Variants in SDF2 observed in about 807,000 individuals in gnomAD.
SDF2 encodes the protein stromal cell derived factor 2.
A neutral mutation model predicts 20.5 loss-of-function variants in SDF2; 12 were observed. The observed-to-expected ratio is 0.58, with a 90% confidence interval of 0.37 to 0.95. The LOEUF (loss-of-function observed/expected upper bound fraction) is 0.95, where lower values mean the gene tolerates loss of function less well. Among genes scored for constraint, SDF2 ranks in the 40% least tolerant of loss-of-function variants. SDF2 has a pLI of 0.01. For missense variants in SDF2, 238 were observed against 263.1 expected (o/e 0.90, Z 0.66); for synonymous variants, 100 against 101.0 (o/e 0.99, Z 0.06).
At chr17:28,654,633 T>C (rs1216550544) in intron 2 of SDF2, among the ~76,000 whole-genome samples, 2 of 151,572 alleles carry the variant, frequency 1.3e-5, no homozygotes, top group Non-Finnish European at 1.5e-5. Flanking sequence ...CTGACCAATA[T>C]GGTGAAAACC....
intron 1 of SDF2, 40 bp downstream of exon 1, chr17:28,661,686 A>C (rs757300763): frequency 1.2e-5 from 19 of 1,594,470 alleles, no homozygotes; most frequent in African/African-American, 2.7e-5. Context: ...AGAGCCTCCG[A>C]GTCCTCCCTA....
In SDF2 at chr17:28,655,403, T is replaced by C; in HGVS notation, c.232A>G (p.Thr78Ala). ...SYWRIRGKSA[T>A]VCERGTPIKC... ...ATGGGGGTTCCCCTCTCACACACTGTGGCACTCTTCCCCCGTATCCTCCAG... is the reference window on the plus strand; with the variant it reads ...ATGGGGGTTCCCCTCTCACACACTGCGGCACTCTTCCCCCGTATCCTCCAG... Residue 78 changes from threonine to alanine, a missense_variant, in exon 2 of 3, where the codon ACA becomes GCA. Coordinates refer to ENST00000247020, the MANE Select transcript of SDF2 (RefSeq NM_006923.4). The C allele has an allele frequency of 1.9e-6, 3 of 1,614,218 alleles. No individual in the cohort carries two copies. Among genetic ancestry groups the C allele is most frequent in the Non-Finnish European group, 1.7e-6 (2 of 1,180,034 alleles).
intron 1 of SDF2, among the ~76,000 whole-genome samples, chr17:28,659,646 G>A (rs1340574456): frequency 3.4e-5 from 5 of 147,616 alleles, no homozygotes; most frequent in East Asian, 2.0e-4. Context: ...TAGACAGGGC[G>A]GCCAGGCAGA....
chr17:28,650,002 G>A (rs1164959410), intron 2 of SDF2, among the ~76,000 whole-genome samples: 6 of 151,736 alleles, frequency 4.0e-5, no homozygotes, highest in African/African-American at 1.2e-4. Flanking sequence ...GCCCAGGCTG[G>A]AGTGCAATGG....
At chr17:28,651,267 T>G (rs2071912832) in intron 2 of SDF2, among the ~76,000 whole-genome samples, 1 of 152,236 alleles carries the variant, frequency 6.6e-6, no homozygotes, top group Non-Finnish European at 1.5e-5. Context: ...TTTCACCATG[T>G]TGACCAGGCT....
chr17:28,657,157 G>T (rs1567677583), intron 1 of SDF2, among the ~76,000 whole-genome samples: 1 of 151,918 alleles, frequency 6.6e-6, no homozygotes. Context: ...CATCCGGGAG[G>T]CGGAGGTTGC....
rs35579310 is a variant in SDF2, at chr17:28,655,323, A to G, written c.312T>C (p.His104=). The G allele has an allele frequency of 1.9e-3, 3,057 of 1,614,240 alleles. 48 individuals carry two copies. The African/African-American group carries it at 0.036, about 19-fold the overall frequency. ...LTHVNTGRNL[H]SHHFTSPLSG... is the part of the protein sequence containing the mutation. The stretch of plus-strand genomic sequence containing the variant: ...AAAGAGGTGAAGTGAAGTGGTGACT[A>G]TGGAGGTTTCGGCCAGTGTTGACAT... The change falls in exon 2 of 3, where the codon CAT becomes CAC. Residue 104 remains histidine (H), a synonymous_variant. Coordinates refer to ENST00000247020, the MANE Select transcript of SDF2 (RefSeq NM_006923.4).
intron 2 of SDF2, among the ~76,000 whole-genome samples, chr17:28,650,400 G>A (rs954745492): frequency 6.6e-6 from 1 of 152,010 alleles, no homozygotes; most frequent in Non-Finnish European, 1.5e-5. Context: ...AAAGATTATG[G>A]TCCAAACACT....
chr17:28,649,330 G>A, intron 2 of SDF2, 54 bp from the exon 3 acceptor site: 1 of 1,558,336 alleles, frequency 6.4e-7, no homozygotes, highest in Non-Finnish European at 8.8e-7. Context: ...GCTTGAAAAG[G>A]GGTGGGAGGC....
At chr17:28,658,093 C>T (rs2071982050) in intron 1 of SDF2, among the ~76,000 whole-genome samples, 1 of 152,198 alleles carries the variant, frequency 6.6e-6, no homozygotes, top group African/African-American at 2.4e-5. Flanking sequence ...TGCCTTACAG[C>T]TCTCTGGGTC....
intron 2 of SDF2, among the ~76,000 whole-genome samples, chr17:28,652,281 G>A (rs551329894): frequency 5.3e-5 from 8 of 151,920 alleles, no homozygotes; most frequent in African/African-American, 9.7e-5. Flanking sequence ...ATATATACAC[G>A]AGTAAGCACA....
chr17:28,661,954 A>G (rs185436167), upstream of SDF2: 51 of 1,518,946 alleles, frequency 3.4e-5, no homozygotes, highest in Admixed American at 9.5e-4. Flanking sequence ...TGGCGAAACC[A>G]CGGAGAGAAG....
At chr17:28,650,679 G>C (rs910095416) in intron 2 of SDF2, among the ~76,000 whole-genome samples, 1 of 151,534 alleles carries the variant, frequency 6.6e-6, no homozygotes, top group Non-Finnish European at 1.5e-5. Context: ...CCAGCTATTC[G>C]GGAGGCTGAA....
In SDF2 at chr17:28,661,829, C is replaced by A; in HGVS notation, c.48G>T (p.Val16=). The A allele has an allele frequency of 1.2e-6, 2 of 1,614,126 alleles. No individual in the cohort carries two copies. The highest frequency in any genetic ancestry group is 1.7e-6 in the Non-Finnish European group (2 of 1,180,002). ...TAACGACACCCAGGCTGGACGCTCC[C>A]ACAGCGCTCCACAAACCCCCCAACA... ...LLLLGGLWSA[V]GASSLGVVTC... is the part of the protein sequence containing the mutation. Residue 16 remains valine (V), a synonymous_variant, in exon 1 of 3, where the codon GTG becomes GTT. Coordinates refer to ENST00000247020, the MANE Select transcript of SDF2 (RefSeq NM_006923.4).
intron 2 of SDF2, 106 bp from the exon 3 acceptor site, chr17:28,649,382 AG>A (rs2071893108): frequency 2.8e-6 from 3 of 1,067,094 alleles, no homozygotes; most frequent in Admixed American, 2.0e-5. Context: ...AAAAAATCAG[AG>A]GGGCCAGGCT....
Position 28,661,821 on chromosome 17 carries a change from G to T in SDF2, c.56C>A (p.Ser19Tyr), listed in dbSNP as rs768445937. ...LGGLWSAVGASSLGVVTCGSV... is the reference protein window; with the variant it reads ...LGGLWSAVGAYSLGVVTCGSV... ...GCCGCAAGTAACGACACCCAGGCTG[G>T]ACGCTCCCACAGCGCTCCACAAACC... is the stretch of plus-strand genomic sequence containing the variant. Residue 19 changes from serine (S) to tyrosine (Y), a missense_variant, in exon 1 of 3, where the codon TCC becomes TAC. Physicochemically the swap from Ser to Tyr is moderately radical, Grantham distance 144 (BLOSUM62 -2). Transcript: ENST00000247020. 2 of 1,613,982 alleles carry T rather than the reference G, an allele frequency of 1.2e-6. No homozygotes were observed. The highest frequency in any genetic ancestry group is 8.5e-7 in the Non-Finnish European group (1 of 1,180,020).
In SDF2 at chr17:28,655,632, T is replaced by C. The variant is rs971285130; in HGVS notation, c.152-149A>G. The C allele has an allele frequency of 1.8e-5, 13 of 706,386 alleles. No homozygotes were observed. In the African/African-American group the frequency reaches 2.3e-4, roughly 13 times the overall value. The allele number at this position is 706,386 out of a possible 1,614,324, so 43.8% of individuals were successfully genotyped here. A position where few individuals can be genotyped will look rare whatever the true frequency, so the allele number is the denominator to read the frequency against. On this transcript the variant is annotated intron_variant, in intron 1 of 2. Transcript: ENST00000247020. The stretch of plus-strand genomic sequence containing the variant: ...ACGCTGCTGGAGGTGTAATGGATAT[T>C]AATACTGCTCTACAAGAGACTGAAG...
At chr17:28,659,224 A>G (rs1372909688) in intron 1 of SDF2, among the ~76,000 whole-genome samples, 1 of 125,824 alleles carries the variant, frequency 7.9e-6, no homozygotes, top group Non-Finnish European at 1.6e-5. Context: ...GCGGCCAGGC[A>G]GAGGCGCTCC....
At chr17:28,655,098 C>T (rs1174353324) in intron 2 of SDF2, among the ~76,000 whole-genome samples, 189 bp downstream of exon 2, 1 of 152,264 alleles carries the variant, frequency 6.6e-6, no homozygotes, top group Non-Finnish European at 1.5e-5. Flanking sequence ...CACTGCACTG[C>T]AGCCTGGGTG....
Sources: allele counts gnomAD v4.1 joint callset (sites outside exome capture counted in the v4.1 genomes callset), GRCh38; gene constraint gnomAD v4.1.1; transcripts MANE v1.5; gene names NCBI Gene and HGNC (gene_info 2026-07-23, HGNC 2026-07-21).